The following IPO5 variants were observed in gnomAD, a reference collection of about 807,000 sequenced individuals.
The protein encoded by IPO5 is importin 5, also known as importin-5.
In IPO5, 18 loss-of-function variants were observed where a neutral mutation model predicts 143.3. The observed-to-expected ratio is 0.13, with a 90% confidence interval of 0.09 to 0.19. IPO5 has a LOEUF of 0.19. Ranked by LOEUF, IPO5 falls within the 10% of genes least tolerant of loss-of-function variation. The pLI is 1.00. For synonymous variants in IPO5, 477 were observed against 465.7 expected (o/e 1.02, Z -0.31); for missense variants, 1,013 against 1,336.9 (o/e 0.76, Z 3.78).
intron 18 of IPO5, among the ~76,000 whole-genome samples, chr13:98,009,528 A>C (rs1454363874): frequency 6.6e-6 from 1 of 152,236 alleles, no homozygotes; most frequent in Non-Finnish European, 1.5e-5. Flanking sequence ...AAAAATTTGT[A>C]ACTGGGAGTT....
rs560500532 is a variant in IPO5 at position 97,993,857 on chromosome 13, G to A, written c.913+632G>A. ...AATACGTCACCAGATTTATTTTGTA[G>A]TGGTACCTACCTTTTGTCTTACACT... is the stretch of plus-strand genomic sequence containing the variant. On this transcript the variant is annotated intron_variant, in intron 11 of 28. Transcript: ENST00000651721. Among the ~76,000 whole-genome samples, 112 of 152,322 alleles carry A rather than the reference G, an allele frequency of 7.4e-4. 1 individual carries two copies. The highest frequency in any genetic ancestry group is 1.3e-3 in the Non-Finnish European group (88 of 68,022).
chr13:98,017,669 T>G (rs1890215911), intron 25 of IPO5, among the ~76,000 whole-genome samples: 1 of 152,194 alleles, frequency 6.6e-6, no homozygotes, highest in Non-Finnish European at 1.5e-5. Context: ...ATTTCCCATG[T>G]GCCTCTGCCC....
intron 4 of IPO5, among the ~76,000 whole-genome samples, chr13:97,978,215 C>T (rs1354516882): frequency 6.6e-6 from 1 of 152,186 alleles, no homozygotes; most frequent in Non-Finnish European, 1.5e-5. Flanking sequence ...TGAATCTTCG[C>T]TGAAAATTTA....
chr13:98,018,127 C>T (rs1890248219), intron 25 of IPO5, among the ~76,000 whole-genome samples: 1 of 152,084 alleles, frequency 6.6e-6, no homozygotes, highest in Non-Finnish European at 1.5e-5. Flanking sequence ...TGAATAAATG[C>T]TATAAGTTAA....
At chr13:98,004,153 A>G (rs1048455808) in intron 16 of IPO5, among the ~76,000 whole-genome samples, 1 of 152,246 alleles carries the variant, frequency 6.6e-6, no homozygotes, top group African/African-American at 2.4e-5. Context: ...CATAGAAAAT[A>G]AAAGATAAAC....
intron 16 of IPO5, among the ~76,000 whole-genome samples, chr13:98,005,523 A>G (rs1671956100): frequency 6.6e-6 from 1 of 151,938 alleles, no homozygotes; most frequent in Non-Finnish European, 1.5e-5. Flanking sequence ...ATTTTAAAAT[A>G]TTGCTGGTGA....
At chr13:97,995,449 C>T (rs1013141259) in intron 11 of IPO5, among the ~76,000 whole-genome samples, 2 of 151,942 alleles carry the variant, frequency 1.3e-5, no homozygotes, top group Middle Eastern at 3.2e-3. Flanking sequence ...AAAATTCCAA[C>T]TCTAGACAGC....
At chr13:98,002,387 A>T in intron 13 of IPO5, 80 bp from the exon 14 acceptor site, 1 of 1,378,526 alleles carries the variant, frequency 7.3e-7, no homozygotes, top group Non-Finnish European at 1.0e-6. Flanking sequence ...TCCAAATAAG[A>T]ACTTTTATAC....
chr13:97,980,133 T>C (rs1383725521), intron 4 of IPO5, among the ~76,000 whole-genome samples: 1 of 152,236 alleles, frequency 6.6e-6, no homozygotes, highest in African/African-American at 2.4e-5. Flanking sequence ...GTGCTAGGAA[T>C]AGTATTAGAA....
chr13:98,013,691 A>G (rs1447961731), intron 21 of IPO5, among the ~76,000 whole-genome samples: 1 of 152,238 alleles, frequency 6.6e-6, no homozygotes, highest in Non-Finnish European at 1.5e-5. Flanking sequence ...TTTTCAGGGA[A>G]ATACTTCAGT....
intron 2 of IPO5, among the ~76,000 whole-genome samples, chr13:97,969,175 ATTT>A (rs60300496): frequency 4.6e-5 from 2 of 43,906 alleles, no homozygotes; most frequent in Non-Finnish European, 8.0e-5. Context: ...ATATATATAT[ATTT>A]TTTTTTTTTT....
At position 98,017,505 on chromosome 13, in the gene IPO5, G is replaced by A. The variant is rs182181481; in HGVS notation, c.2616+654G>A. 7.2e-4 allele frequency among the ~76,000 whole-genome samples: 110 copies of A among 152,058 alleles called. 1 individual carries two copies. In the East Asian group the frequency reaches 0.013, roughly 18 times the overall value. On this transcript the variant is annotated intron_variant, in intron 25 of 28. Coordinates refer to ENST00000651721, the MANE Select transcript of IPO5 (RefSeq NM_002271.6). ...AGTAGAGATGGGGTTTCACCATGTTGACCAGGCTGGTCTCCAACTCCTGAC... is the reference window on the plus strand; with the variant it reads ...AGTAGAGATGGGGTTTCACCATGTTAACCAGGCTGGTCTCCAACTCCTGAC...
At chr13:98,019,841 C>A in intron 27 of IPO5, 32 bp downstream of exon 27, 1 of 1,441,384 alleles carries the variant, frequency 6.9e-7, no homozygotes, top group Non-Finnish European at 9.8e-7. Context: ...TTATTTCCTT[C>A]TCCTCCACAG....
chr13:97,961,793 G>A (rs187889185), intron 2 of IPO5, among the ~76,000 whole-genome samples: 1 of 152,152 alleles, frequency 6.6e-6, no homozygotes, highest in East Asian at 1.9e-4. Flanking sequence ...TTAATTGAGA[G>A]TAGGGCTTTT....
intron 4 of IPO5, among the ~76,000 whole-genome samples, chr13:97,979,127 A>T (rs1386041818): frequency 1.3e-5 from 2 of 152,174 alleles, no homozygotes; most frequent in Non-Finnish European, 2.9e-5. Context: ...GCGTTTTATA[A>T]GAGATCAAAT....
In IPO5 at chr13:97,985,573, A is replaced by T. The variant is rs369973919; in HGVS notation, c.324A>T (p.Lys108Asn). Reference sequence around the variant, plus strand: ...AAACACAATCTAGCATGAGGAAAAAAGTTTGTGATATTGCGGCAGAACTGG... The same window carrying T: ...AAACACAATCTAGCATGAGGAAAAATGTTTGTGATATTGCGGCAGAACTGG... ...QMETQSSMRK[K>N]VCDIAAELAR... Residue 108 changes from lysine (K) to asparagine (N), a missense_variant, in exon 6 of 29, where the codon AAA (lysine) becomes AAT (asparagine). Physicochemically the swap from Lys to Asn is moderately conservative, Grantham distance 94 (BLOSUM62 0). Around this residue, in one of 2 missense-constraint regions of IPO5, gnomAD observed 328 missense variants for 342.0 expected, o/e 0.96. Coordinates refer to ENST00000651721, the MANE Select transcript of IPO5 (RefSeq NM_002271.6). 1.2e-6 allele frequency: 2 copies of T among 1,613,978 alleles called. No homozygotes were observed. Among genetic ancestry groups the T allele is most frequent in the African/African-American group, 2.7e-5 (2 of 74,888 alleles).
intron 14 of IPO5, 31 bp downstream of exon 14, chr13:98,002,622 G>A: frequency 6.2e-7 from 1 of 1,610,470 alleles, no homozygotes. Flanking sequence ...GATTCAAAAT[G>A]ATTAGTGTAG....
At chr13:98,009,487 C>G (rs971725782) in intron 18 of IPO5, among the ~76,000 whole-genome samples, 11 of 152,152 alleles carry the variant, frequency 7.2e-5, no homozygotes, top group African/African-American at 2.7e-4. Flanking sequence ...AATAGGGATA[C>G]AGAGTCAGAT....
Position 98,015,658 on chromosome 13 carries a change from T to C in IPO5, c.2437+17T>C. The C allele has an allele frequency of 6.3e-7, 1 of 1,589,062 alleles. No homozygotes were observed. ...TACGACAAGGTAAGTTTTCCATGCT[T>C]TTATTTCTGAATATAATCCTTGACC... On this transcript the variant is annotated intron_variant, in intron 23 of 28. Transcript: ENST00000651721.
Sources: allele counts gnomAD v4.1 joint callset (sites outside exome capture counted in the v4.1 genomes callset), GRCh38; gene constraint gnomAD v4.1.1; regional missense constraint gnomAD v4.1.1; transcripts MANE v1.5; gene names NCBI Gene and HGNC (gene_info 2026-07-23, HGNC 2026-07-21).